The following PPP4R4 variants were observed in gnomAD, a reference collection of about 807,000 sequenced individuals.
PPP4R4 encodes the protein protein phosphatase 4 regulatory subunit 4.
A neutral mutation model predicts 121.8 loss-of-function variants in PPP4R4; 70 were observed. The observed-to-expected ratio is 0.57, with a 90% CI of 0.47 to 0.70. The LOEUF is 0.70. Ranked by LOEUF, PPP4R4 falls within the 30% of genes least tolerant of loss-of-function variation. PPP4R4 has a pLI of 0.00. For missense variants in PPP4R4, 875 were observed against 1,033.6 expected (o/e 0.85, Z 2.10); for synonymous variants, 348 against 355.7 (o/e 0.98, Z 0.24).
rs1298919023 is a variant in PPP4R4, at chr14:94,254,818, G to GAAAAAA, written c.1866-1642_1866-1641insAAAAAA. 2.3e-4 allele frequency among the ~76,000 whole-genome samples: 35 copies of GAAAAAA among 152,228 alleles called. 1 individual carries two copies. Among genetic ancestry groups the GAAAAAA allele is most frequent in the African/African-American group, 6.7e-4 (28 of 41,534 alleles). ...TATTTCCTCTGAAATGCCTCCTCCTGGAAAGGCTTTTTTTTAGGCTCTGGG... is the reference window on the plus strand; with the variant it reads ...TATTTCCTCTGAAATGCCTCCTCCTGAAAAAAGAAAGGCTTTTTTTTAGGCTCTGGG... On this transcript the variant is annotated intron_variant, in intron 16 of 24. Coordinates refer to ENST00000304338, the MANE Select transcript of PPP4R4 (RefSeq NM_058237.2).
intron 1 of PPP4R4, among the ~76,000 whole-genome samples, chr14:94,174,979 C>CA (rs1465158897): frequency 6.1e-5 from 9 of 146,778 alleles, no homozygotes; most frequent in African/African-American, 2.3e-4. Flanking sequence ...TTCCGCCCCC[C>CA]CCCCCCAAAG....
At chr14:94,241,616 A>G (rs937021890) in intron 9 of PPP4R4, among the ~76,000 whole-genome samples, 172 bp from the exon 10 acceptor site, 1 of 152,060 alleles carries the variant, frequency 6.6e-6, no homozygotes, top group Non-Finnish European at 1.5e-5. Flanking sequence ...AAATAATGTG[A>G]TCTGTTAGAT....
chr14:94,253,629 G>A (rs1028919240), intron 16 of PPP4R4, among the ~76,000 whole-genome samples: 10 of 152,178 alleles, frequency 6.6e-5, no homozygotes, highest in African/African-American at 2.2e-4. Context: ...GAAAGGAAAC[G>A]AAATCATCTC....
intron 23 of PPP4R4, among the ~76,000 whole-genome samples, chr14:94,274,196 T>C (rs552862035): frequency 6.6e-6 from 1 of 152,288 alleles, no homozygotes; most frequent in South Asian, 2.1e-4. Context: ...TAAAAGTGTC[T>C]ATATTTTCTA....
chr14:94,216,207 A>G (rs1891010788), intron 3 of PPP4R4, among the ~76,000 whole-genome samples: 1 of 152,168 alleles, frequency 6.6e-6, no homozygotes, highest in South Asian at 2.1e-4. Flanking sequence ...AGAGAACATC[A>G]CTCTTATTCT....
At chr14:94,252,532 A>G (rs929178038) in intron 16 of PPP4R4, among the ~76,000 whole-genome samples, 2 of 152,198 alleles carry the variant, frequency 1.3e-5, no homozygotes, top group African/African-American at 2.4e-5. Flanking sequence ...GTATAATATA[A>G]AATTTACTAT....
chr14:94,239,181 C>G (rs777148661), intron 8 of PPP4R4, among the ~76,000 whole-genome samples: 2 of 149,612 alleles, frequency 1.3e-5, no homozygotes, highest in Non-Finnish European at 3.0e-5. Context: ...TTGTCCTAGC[C>G]AACTCCTTCT....
At chr14:94,196,160 CTTT>C (rs5810662) in intron 2 of PPP4R4, among the ~76,000 whole-genome samples, 1 of 136,890 alleles carries the variant, frequency 7.3e-6, no homozygotes. Flanking sequence ...GCTTTTGAAT[CTTT>C]TTTTTTTTTT....
At position 94,233,062 on chromosome 14, in the gene PPP4R4, A is replaced by C. The variant is rs533695509; in HGVS notation, c.517-591A>C. Among the ~76,000 whole-genome samples, 235 of 152,136 alleles carry C rather than the reference A, an allele frequency of 1.5e-3. 1 individual carries two copies. The highest frequency in any genetic ancestry group is 2.3e-3 in the Non-Finnish European group (154 of 67,976). Reference sequence around the variant, plus strand: ...GACAGAGCGAGACTCCGTCTCAAAAAAAAAAAAAGAGAAATAGCGAGATTA... The same window carrying C: ...GACAGAGCGAGACTCCGTCTCAAAACAAAAAAAAGAGAAATAGCGAGATTA... On this transcript the variant is annotated intron_variant, in intron 5 of 24. Coordinates refer to ENST00000304338, the MANE Select transcript of PPP4R4 (RefSeq NM_058237.2).
chr14:94,182,455 C>G (rs921592718), intron 2 of PPP4R4, among the ~76,000 whole-genome samples: 12 of 152,256 alleles, frequency 7.9e-5, no homozygotes, highest in African/African-American at 2.6e-4. Context: ...CAAAGGGTAG[C>G]TACTCTACTG....
Position 94,200,244 on chromosome 14 carries a change from G to A in PPP4R4, c.192-8220G>A, listed in dbSNP as rs185909981. Among the ~76,000 whole-genome samples, 6 of 152,164 alleles carry A rather than the reference G, an allele frequency of 3.9e-5. No homozygotes were observed. In the East Asian group the frequency reaches 9.7e-4, roughly 24 times the overall value. On this transcript the variant is annotated intron_variant, in intron 2 of 24. Transcript: ENST00000304338. ...TAGACTCACTTATTCTAGCCATTTT[G>A]TAGATTATTTAGGATATTCACCATA...
intron 8 of PPP4R4, among the ~76,000 whole-genome samples, 176 bp from the exon 9 acceptor site, chr14:94,240,497 C>T (rs1182289787): frequency 6.6e-6 from 1 of 152,066 alleles, no homozygotes; most frequent in African/African-American, 2.4e-5. Flanking sequence ...CATTTCAAGC[C>T]TCCTCTTACC....
intron 8 of PPP4R4, 87 bp downstream of exon 8, chr14:94,237,773 G>C (rs1892420238): frequency 6.8e-7 from 1 of 1,463,926 alleles, no homozygotes; most frequent in Admixed American, 2.0e-5. Flanking sequence ...AGTAGATTTA[G>C]AATTTCCTAT....
chr14:94,182,854 C>T (rs1187140906), intron 2 of PPP4R4, among the ~76,000 whole-genome samples: 1 of 152,118 alleles, frequency 6.6e-6, no homozygotes, highest in East Asian at 1.9e-4. Context: ...AAACAGTTTT[C>T]CAGTGTGCTT....
At chr14:94,231,159 G>A in intron 4 of PPP4R4, 83 bp from the exon 5 acceptor site, 1 of 984,164 alleles carries the variant, frequency 1.0e-6, no homozygotes, top group Non-Finnish European at 1.6e-6. Context: ...ATCATTAAGT[G>A]CTATTGTAAC....
At chr14:94,237,781 T>C in intron 8 of PPP4R4, 95 bp downstream of exon 8, 1 of 1,430,634 alleles carries the variant, frequency 7.0e-7, no homozygotes, top group Admixed American at 2.0e-5. Flanking sequence ...TAGAATTTCC[T>C]ATGTTAAGCC....
intron 23 of PPP4R4, among the ~76,000 whole-genome samples, chr14:94,274,658 C>G (rs1398554388): frequency 3.3e-5 from 5 of 152,144 alleles, no homozygotes; most frequent in Non-Finnish European, 7.4e-5. Flanking sequence ...TGTGGAGTAA[C>G]TCTCCAGAAT....
At chr14:94,205,333 G>A (rs1890403565) in intron 2 of PPP4R4, among the ~76,000 whole-genome samples, 1 of 151,958 alleles carries the variant, frequency 6.6e-6, no homozygotes, top group Non-Finnish European at 1.5e-5. Flanking sequence ...ATGTATAGAA[G>A]TATTCATAGC....
At chr14:94,184,369 C>G (rs1889146811) in intron 2 of PPP4R4, among the ~76,000 whole-genome samples, 1 of 152,006 alleles carries the variant, frequency 6.6e-6, no homozygotes, top group South Asian at 2.1e-4. Context: ...AGTGTTCCTC[C>G]TGCCTCAACC....
Sources: allele counts gnomAD v4.1 joint callset (sites outside exome capture counted in the v4.1 genomes callset), GRCh38; gene constraint gnomAD v4.1.1; transcripts MANE v1.5; gene names NCBI Gene and HGNC (gene_info 2026-07-23, HGNC 2026-07-21).